Variants in XKR4 observed in about 807,000 individuals in gnomAD.
The protein encoded by XKR4 is XK-related protein 4.
XKR4 carries 12 observed loss-of-function variants against 53.9 expected under a neutral mutation model. The observed-to-expected ratio is 0.22, with a 90% confidence interval of 0.14 to 0.36. The LOEUF (loss-of-function observed/expected upper bound fraction) is 0.36. XKR4 is among the 10% of genes least tolerant of loss of function. The pLI, the probability that XKR4 is intolerant of heterozygous loss-of-function variation, is 1.00. For synonymous variants in XKR4, 354 were observed against 362.4 expected (o/e 0.98, Z 0.26); for missense variants, 799 against 859.5 (o/e 0.93, Z 0.88).
intron 1 of XKR4, among the ~76,000 whole-genome samples, chr8:55,227,491 T>C (rs1419357932): frequency 6.6e-6 from 1 of 152,182 alleles, no homozygotes; most frequent in Non-Finnish European, 1.5e-5. Flanking sequence ...CAGCCTGAGG[T>C]TGAATCAATG....
In XKR4 at chr8:55,407,555, T is replaced by G. The variant is rs536261197; in HGVS notation, c.1006+49678T>G. ...GGCAGCTCCATGCAGTGAGCAGAGC[T>G]GGCCCTCGGGTCAGATGCCCCGGGC... On this transcript the variant is annotated intron_variant, in intron 2 of 2. Coordinates refer to ENST00000327381, the MANE Select transcript of XKR4 (RefSeq NM_052898.2). Among the ~76,000 whole-genome samples, 6 of 152,366 alleles carry G rather than the reference T, an allele frequency of 3.9e-5. No individual in the cohort carries two copies. In the East Asian group the frequency reaches 1.2e-3, roughly 29 times the overall value.
intron 1 of XKR4, among the ~76,000 whole-genome samples, chr8:55,252,906 C>T (rs1304171588): frequency 6.6e-6 from 1 of 152,128 alleles, no homozygotes; most frequent in Non-Finnish European, 1.5e-5. Context: ...ATGAGATATG[C>T]ATGGGCTATT....
rs1173066249 is a variant in XKR4 at position 55,443,852 on chromosome 8, AAAG to A, written c.1007-79426_1007-79424del. ...AAAACTCCGTCTCAAAAAAAAAAAA[AAAG>A]AAAGAAAAGAAAAAAAAAGAAAAAA... On this transcript the variant is annotated intron_variant, in intron 2 of 2. Transcript: ENST00000327381. 5.7e-3 allele frequency among the ~76,000 whole-genome samples: 832 copies of A among 144,862 alleles called. 34 individuals carry two copies. The highest frequency in any genetic ancestry group is 0.02 in the African/African-American group (766 of 38,724).
chr8:55,293,228 G>T (rs1387117528), intron 1 of XKR4, among the ~76,000 whole-genome samples: 3 of 152,080 alleles, frequency 2.0e-5, no homozygotes, highest in African/African-American at 7.2e-5. Context: ...CCAGCTACTT[G>T]GGAGGCTGAG....
intron 1 of XKR4, among the ~76,000 whole-genome samples, chr8:55,255,322 A>C (rs17430331): frequency 2.0e-5 from 3 of 151,992 alleles, no homozygotes; most frequent in Non-Finnish European, 4.4e-5. Context: ...GAAAGTGCCT[A>C]CAACAGTATA....
intron 1 of XKR4, among the ~76,000 whole-genome samples, chr8:55,275,282 C>A (rs1235459910): frequency 1.3e-5 from 2 of 151,798 alleles, no homozygotes; most frequent in East Asian, 3.9e-4. Flanking sequence ...ATCTTATATC[C>A]TATTGTTACA....
At position 55,524,776 on chromosome 8, in the gene XKR4, T is replaced by C. The variant is rs1806858426; in HGVS notation, c.*549T>C. On this transcript the variant is annotated 3_prime_UTR_variant, in exon 3 of 3. Transcript: ENST00000327381. ...CTTAGAAAAGAAACCATTTTCTCAT[T>C]TGGAAATCCATACCATGTGTGAAAA... 1 of 152,818 alleles carries C rather than the reference T, an allele frequency of 6.5e-6. No homozygotes were observed. The highest frequency in any genetic ancestry group is 1.5e-5 in the Non-Finnish European group (1 of 68,368). 9.5% of individuals were successfully genotyped at this position (152,818 alleles called of 1,614,324 possible). A position where few individuals can be genotyped will look rare whatever the true frequency, so the allele number is the denominator to read the frequency against.
At chr8:55,256,859 G>C (rs1818445195) in intron 1 of XKR4, among the ~76,000 whole-genome samples, 1 of 152,158 alleles carries the variant, frequency 6.6e-6, no homozygotes, top group Non-Finnish European at 1.5e-5. Flanking sequence ...AAATTTCTTA[G>C]GCTGGGTAAC....
chr8:55,422,829 T>C (rs1392250263), intron 2 of XKR4, among the ~76,000 whole-genome samples: 1 of 152,160 alleles, frequency 6.6e-6, no homozygotes, highest in Non-Finnish European at 1.5e-5. Flanking sequence ...CAGCATTGCA[T>C]TCGTTTAATA....
chr8:55,141,537 G>A (rs1472347374), intron 1 of XKR4, among the ~76,000 whole-genome samples: 2 of 152,074 alleles, frequency 1.3e-5, no homozygotes, highest in Non-Finnish European at 2.9e-5. Flanking sequence ...AGTGGGGGAA[G>A]GCCAGGGGAA....
chr8:55,457,497 C>T (rs1015640451), intron 2 of XKR4, among the ~76,000 whole-genome samples: 10 of 151,726 alleles, frequency 6.6e-5, no homozygotes, highest in Non-Finnish European at 1.3e-4. Context: ...AAACTATTCC[C>T]CAAAAAATAA....
chr8:55,513,793 T>C (rs1005545031), intron 2 of XKR4, among the ~76,000 whole-genome samples: 2 of 152,212 alleles, frequency 1.3e-5, no homozygotes, highest in Admixed American at 6.5e-5. Flanking sequence ...GTTACCAGGT[T>C]TCACAATTGG....
At position 55,530,765 on chromosome 8, in the gene XKR4, A is replaced by G. The variant is rs1337488986; in HGVS notation, c.*6538A>G. ...TTTATAGGAAATAGCATGTAAAATA[A>G]ATCTAAGTATTGCTTTATCACTTTA... On this transcript the variant is annotated 3_prime_UTR_variant, in exon 3 of 3. Transcript: ENST00000327381. 6.6e-6 allele frequency: 1 copy of G among 152,230 alleles called. No homozygotes were observed. The highest frequency in any genetic ancestry group is 1.5e-5 in the Non-Finnish European group (1 of 68,042). The allele number at this position is 152,230 out of a possible 1,614,324, so 9.4% of individuals were successfully genotyped here.
At chr8:55,300,611 G>T (rs1476533027) in intron 1 of XKR4, among the ~76,000 whole-genome samples, 1 of 152,108 alleles carries the variant, frequency 6.6e-6, no homozygotes, top group Non-Finnish European at 1.5e-5. Flanking sequence ...GTGGAGGATG[G>T]AAATGAGGGT....
intron 1 of XKR4, among the ~76,000 whole-genome samples, chr8:55,289,663 GA>G (rs1372890737): frequency 3.8e-4 from 22 of 58,394 alleles, no homozygotes; most frequent in African/African-American, 6.3e-4. Flanking sequence ...GGAAGGAAAA[GA>G]AAAGAAAAGA....
At chr8:55,476,169 A>T (rs1805981323) in intron 2 of XKR4, among the ~76,000 whole-genome samples, 1 of 152,084 alleles carries the variant, frequency 6.6e-6, no homozygotes, top group Non-Finnish European at 1.5e-5. Context: ...ACATTTTCAC[A>T]GTTCTCCCAA....
intron 1 of XKR4, among the ~76,000 whole-genome samples, chr8:55,140,967 A>C (rs1816694053): frequency 6.6e-6 from 1 of 152,208 alleles, no homozygotes; most frequent in East Asian, 1.9e-4. Context: ...TTTTATTGAA[A>C]TATAACTCAC....
At chr8:55,147,413 C>T (rs1245831839) in intron 1 of XKR4, among the ~76,000 whole-genome samples, 1 of 152,202 alleles carries the variant, frequency 6.6e-6, no homozygotes, top group African/African-American at 2.4e-5. Context: ...AAAGTCTCTC[C>T]TATTTTTAAA....
At chr8:55,316,457 A>G (rs1200892736) in intron 1 of XKR4, among the ~76,000 whole-genome samples, 2 of 152,206 alleles carry the variant, frequency 1.3e-5, no homozygotes, top group African/African-American at 4.8e-5. Flanking sequence ...TCCTTTTGTC[A>G]AAGGTGATTA....
Sources: gnomAD v4.1 joint callset for allele counts (sites outside exome capture counted in the v4.1 genomes callset) on GRCh38, gnomAD v4.1.1 for gene constraint, MANE v1.5 for transcripts, NCBI Gene and HGNC (gene_info 2026-07-23, HGNC 2026-07-21) for gene names.